PRKCA: variants seen among roughly 807,000 people sequenced by gnomAD.
PRKCA encodes protein kinase C alpha type.
In PRKCA, 27 loss-of-function variants were observed where a neutral mutation model predicts 87.0. The ratio of observed to expected loss-of-function variants is 0.31; its 90% confidence interval spans 0.23 to 0.43. The LOEUF is 0.43. Among genes scored for constraint, PRKCA ranks in the 20% least tolerant of loss-of-function variants. The pLI, the probability that PRKCA is intolerant of heterozygous loss-of-function variation, is 1.00. For missense variants in PRKCA, 518 were observed against 852.3 expected (o/e 0.61, Z 4.88); for synonymous variants, 329 against 311.1 (o/e 1.06, Z -0.61).
intron 2 of PRKCA, among the ~76,000 whole-genome samples, chr17:66,351,212 G>C (rs1907723180): frequency 6.6e-6 from 1 of 152,164 alleles, no homozygotes; most frequent in Non-Finnish European, 1.5e-5. Context: ...TCCTGGCCAG[G>C]AAAACCATGA....
intron 2 of PRKCA, among the ~76,000 whole-genome samples, chr17:66,385,651 C>T (rs1910018766): frequency 6.6e-6 from 1 of 152,202 alleles, no homozygotes. Flanking sequence ...TGCTTGAGCC[C>T]AGGAGTTTTA....
chr17:66,684,025 A>G (rs1216600115), intron 5 of PRKCA, among the ~76,000 whole-genome samples: 1 of 152,028 alleles, frequency 6.6e-6, no homozygotes, highest in East Asian at 1.9e-4. Context: ...AACTATTCCT[A>G]TGAGTAATGC....
At chr17:66,511,629 C>T (rs1016724721) in intron 3 of PRKCA, among the ~76,000 whole-genome samples, 21 of 151,360 alleles carry the variant, frequency 1.4e-4, no homozygotes, top group Non-Finnish European at 2.5e-4. Flanking sequence ...ATTTGCTGCT[C>T]GCTGTCAGTT....
At chr17:66,694,910 T>C (rs952758171) in intron 8 of PRKCA, among the ~76,000 whole-genome samples, 1 of 152,112 alleles carries the variant, frequency 6.6e-6, no homozygotes, top group Non-Finnish European at 1.5e-5. Context: ...TGTTTATCCG[T>C]CAGTTGATTC....
intron 8 of PRKCA, among the ~76,000 whole-genome samples, chr17:66,692,648 T>C (rs966878073): frequency 2.0e-5 from 3 of 152,150 alleles, no homozygotes; most frequent in African/African-American, 7.2e-5. Flanking sequence ...CCCCGTTTCC[T>C]CCTTTTCGGT....
chr17:66,535,129 A>G (rs1363894970), intron 3 of PRKCA, among the ~76,000 whole-genome samples: 1 of 152,200 alleles, frequency 6.6e-6, no homozygotes, highest in Non-Finnish European at 1.5e-5. Context: ...CTAAAGAAAC[A>G]GCTTAGAGAG....
intron 2 of PRKCA, among the ~76,000 whole-genome samples, chr17:66,495,856 G>T (rs540930210): frequency 3.3e-5 from 5 of 152,012 alleles, no homozygotes; most frequent in Non-Finnish European, 5.9e-5. Flanking sequence ...GGCATGAACC[G>T]CTGTGCCCGG....
At chr17:66,441,161 CCAAAAA>C (rs1413436226) in intron 2 of PRKCA, among the ~76,000 whole-genome samples, 1 of 96,314 alleles carries the variant, frequency 1.0e-5, no homozygotes, top group African/African-American at 4.9e-5. Flanking sequence ...AACTCTGTCT[CCAAAAA>C]AAAAAAAAAA....
At chr17:66,798,506 G>A (rs1333955914) in intron 16 of PRKCA, among the ~76,000 whole-genome samples, 4 of 40,740 alleles carry the variant, frequency 9.8e-5, no homozygotes, top group Non-Finnish European at 8.5e-5. Context: ...GGTGGTGGTG[G>A]TGACGGTGGT....
intron 3 of PRKCA, among the ~76,000 whole-genome samples, chr17:66,625,636 C>T (rs537446131): frequency 6.6e-6 from 1 of 152,282 alleles, no homozygotes; most frequent in South Asian, 2.1e-4. Context: ...GCCTTCTGTT[C>T]TCTGTCTATT....
intron 8 of PRKCA, among the ~76,000 whole-genome samples, chr17:66,720,466 G>A (rs1257865180): frequency 6.6e-6 from 1 of 152,152 alleles, no homozygotes; most frequent in Non-Finnish European, 1.5e-5. Context: ...AAATACACAG[G>A]CCATATTCCA....
At chr17:66,389,201 C>A (rs987249963) in intron 2 of PRKCA, among the ~76,000 whole-genome samples, 1 of 152,192 alleles carries the variant, frequency 6.6e-6, no homozygotes, top group African/African-American at 2.4e-5. Flanking sequence ...CACAATAGCC[C>A]ACACCAAGAG....
chr17:66,785,971 G>A (rs1206724431), intron 14 of PRKCA, among the ~76,000 whole-genome samples: 1 of 152,192 alleles, frequency 6.6e-6, no homozygotes, highest in African/African-American at 2.4e-5. Context: ...TGGGACTACA[G>A]GCGCTCGCCA....
At chr17:66,436,888 AAGTGAAAATTG>A (rs1913424054) in intron 2 of PRKCA, among the ~76,000 whole-genome samples, 1 of 152,194 alleles carries the variant, frequency 6.6e-6, no homozygotes, top group African/African-American at 2.4e-5. Flanking sequence ...AATGAGAATT[AAGTGAAAATTG>A]AGGCTAACAT....
intron 8 of PRKCA, among the ~76,000 whole-genome samples, chr17:66,709,154 A>G (rs75031998): frequency 0.011 from 1,749 of 152,268 alleles, 39 homozygotes; most frequent in African/African-American, 0.039. Flanking sequence ...ATTTTGGTTC[A>G]GAAATCTGAT....
intron 8 of PRKCA, among the ~76,000 whole-genome samples, chr17:66,707,389 A>G (rs1217452063): frequency 6.6e-6 from 1 of 152,064 alleles, no homozygotes; most frequent in Non-Finnish European, 1.5e-5. Flanking sequence ...TGAGGAGTCC[A>G]CCCTTCACCT....
intron 3 of PRKCA, among the ~76,000 whole-genome samples, chr17:66,623,007 G>C (rs1199485799): frequency 6.6e-6 from 1 of 152,246 alleles, no homozygotes; most frequent in Non-Finnish European, 1.5e-5. Flanking sequence ...TTTGTGAGTT[G>C]AATATAGGCT....
At chr17:66,515,696 A>C (rs9908662) in intron 3 of PRKCA, among the ~76,000 whole-genome samples, 9,593 of 151,960 alleles carry the variant, frequency 0.063, 918 homozygotes, top group African/African-American at 0.21. Flanking sequence ...GGAGTGCATC[A>C]CCATACCCAG....
intron 2 of PRKCA, among the ~76,000 whole-genome samples, chr17:66,391,938 CTG>C (rs984974275): frequency 6.6e-6 from 1 of 152,144 alleles, no homozygotes; most frequent in African/African-American, 2.4e-5. Flanking sequence ...CCATTAGAAA[CTG>C]TGGTTACAGG....
Sources: allele counts gnomAD v4.1 joint callset (sites outside exome capture counted in the v4.1 genomes callset), GRCh38; gene constraint gnomAD v4.1.1; transcripts MANE v1.5; gene names NCBI Gene and HGNC (gene_info 2026-07-23, HGNC 2026-07-21).